The following CNNM4 variants were observed in gnomAD, a reference collection of about 807,000 sequenced individuals.
The protein encoded by CNNM4 is cyclin and CBS domain divalent metal cation transport mediator 4.
In CNNM4, 32 loss-of-function variants were observed where a neutral mutation model predicts 53.7. The observed-to-expected ratio is 0.60, with a 90% confidence interval of 0.45 to 0.80. CNNM4 has a LOEUF of 0.80. Ranked by LOEUF, CNNM4 falls within the 30% of genes least tolerant of loss-of-function variation. The pLI, the probability that CNNM4 is intolerant of heterozygous loss-of-function variation, is 0.00. For missense variants in CNNM4, 784 were observed against 1,022.0 expected (o/e 0.77, Z 3.17); for synonymous variants, 410 against 440.0 (o/e 0.93, Z 0.85).
intron 1 of CNNM4, among the ~76,000 whole-genome samples, chr2:96,770,548 G>T (rs970665978): frequency 9.2e-5 from 14 of 152,246 alleles, no homozygotes; most frequent in African/African-American, 3.4e-4. Context: ...TGAGAGGTGA[G>T]CCTCACCGTC....
At position 96,797,685 on chromosome 2, in the gene CNNM4, C is replaced by T. The variant is rs758103011; in HGVS notation, c.1681+38C>T. ...GGACCTTCCGGTCTTGGTGGAAATA[C>T]GGTCACGGGGGAGAAGTCCTGGGTT... On this transcript the variant is annotated intron_variant, in intron 3 of 6. Coordinates refer to ENST00000377075, the MANE Select transcript of CNNM4 (RefSeq NM_020184.4). This position sits in a 1 kb window ranked among gnomAD's most constrained non-coding sequence, Gnocchi z 6.0. The T allele has an allele frequency of 6.5e-5, 104 of 1,611,044 alleles. 1 individual carries two copies. In the South Asian group the frequency reaches 9.1e-4, roughly 14 times the overall value.
chr2:96,798,638 A>T (rs1326691359), intron 3 of CNNM4, among the ~76,000 whole-genome samples: 2 of 151,998 alleles, frequency 1.3e-5, no homozygotes, highest in African/African-American at 2.4e-5. Flanking sequence ...TTCCTGTGGG[A>T]TATTGATGCT....
intron 1 of CNNM4, among the ~76,000 whole-genome samples, chr2:96,771,082 G>A (rs2078864826): frequency 6.6e-6 from 1 of 152,112 alleles, no homozygotes; most frequent in South Asian, 2.1e-4. Context: ...TGTCTGGCCG[G>A]TAGCTGCCAT....
chr2:96,775,526 A>G (rs2078916589), intron 1 of CNNM4, among the ~76,000 whole-genome samples: 1 of 152,186 alleles, frequency 6.6e-6, no homozygotes, highest in African/African-American at 2.4e-5. Flanking sequence ...TCTCTTGCTG[A>G]ACGTATGAAG....
intron 3 of CNNM4, 54 bp from the exon 4 acceptor site, chr2:96,799,003 C>T: frequency 6.3e-7 from 1 of 1,584,728 alleles, no homozygotes; most frequent in South Asian, 1.1e-5. Flanking sequence ...AGTGATCGAG[C>T]TTTAGGGCCA....
chr2:96,792,489 A>G (rs2153348424), intron 1 of CNNM4, among the ~76,000 whole-genome samples: 1 of 151,712 alleles, frequency 6.6e-6, no homozygotes, highest in East Asian at 1.9e-4. Flanking sequence ...CTCCTGCTAA[A>G]TGGATGTAGA....
At chr2:96,799,285 A>C in intron 4 of CNNM4, 59 bp downstream of exon 4, 2 of 1,597,338 alleles carry the variant, frequency 1.3e-6, no homozygotes, top group Non-Finnish European at 1.7e-6. Context: ...AGCAACCCCC[A>C]GGCCCTCTCT....
At chr2:96,803,122 T>C (rs1412005269) in intron 5 of CNNM4, among the ~76,000 whole-genome samples, 1 of 152,134 alleles carries the variant, frequency 6.6e-6, no homozygotes, top group Admixed American at 6.6e-5. Flanking sequence ...GATGAAAAGG[T>C]GACTTAGAAG....
intron 1 of CNNM4, among the ~76,000 whole-genome samples, chr2:96,795,198 A>C (rs1558992145): frequency 6.6e-6 from 1 of 152,240 alleles, no homozygotes; most frequent in Non-Finnish European, 1.5e-5. Flanking sequence ...AGGCCCTTCC[A>C]GGCACTGTCT....
At chr2:96,767,183 C>G (rs1433124716) in intron 1 of CNNM4, among the ~76,000 whole-genome samples, 1 of 152,184 alleles carries the variant, frequency 6.6e-6, no homozygotes, top group South Asian at 2.1e-4. Flanking sequence ...CCTTGCAGCA[C>G]TTCTGTCTCC....
chr2:96,782,448 A>G (rs1351135118), intron 1 of CNNM4, among the ~76,000 whole-genome samples: 1 of 151,934 alleles, frequency 6.6e-6, no homozygotes, highest in Non-Finnish European at 1.5e-5. Context: ...ATTTATGCTC[A>G]TGAGACAGAT....
At chr2:96,806,533 A>ACGCACG (rs745997640) in intron 5 of CNNM4, among the ~76,000 whole-genome samples, 1 of 138,514 alleles carries the variant, frequency 7.2e-6, no homozygotes, top group Non-Finnish European at 1.6e-5. Flanking sequence ...ACACACACAC[A>ACGCACG]CACGCGCGCG....
intron 1 of CNNM4, among the ~76,000 whole-genome samples, chr2:96,775,150 C>T (rs1331785370): frequency 6.6e-6 from 1 of 151,760 alleles, no homozygotes; most frequent in African/African-American, 2.4e-5. Context: ...TAGCTTTTCA[C>T]AAAACAAACA....
chr2:96,771,342 C>A (rs2078867665), intron 1 of CNNM4, among the ~76,000 whole-genome samples: 1 of 150,586 alleles, frequency 6.6e-6, no homozygotes, highest in Non-Finnish European at 1.5e-5. Context: ...TTTTCCGTAG[C>A]CATAAAAGAG....
intron 5 of CNNM4, 87 bp downstream of exon 5, chr2:96,799,735 C>G (rs557367930): frequency 8.8e-7 from 1 of 1,135,392 alleles, no homozygotes; most frequent in South Asian, 1.3e-5. Flanking sequence ...AGCATGGGCC[C>G]GAGAGCTCAT....
At position 96,809,396 on chromosome 2, in the gene CNNM4, G is replaced by A; in HGVS notation, c.2207G>A (p.Cys736Tyr). The A allele has an allele frequency of 1.9e-6, 3 of 1,613,242 alleles. No homozygotes were observed. The highest frequency in any genetic ancestry group is 1.1e-5 in the South Asian group (1 of 91,078). ...ENSPQFPIDG[C>Y]TTHMENLAEK... ...AGCCCTCAGTTTCCCATAGACGGGTGCACCACCCACATGGAGAACTTGGCC... is the reference window on the plus strand; with the variant it reads ...AGCCCTCAGTTTCCCATAGACGGGTACACCACCCACATGGAGAACTTGGCC... The change falls in exon 7 of 7, where the codon TGC becomes TAC. Residue 736 changes from cysteine to tyrosine, a missense_variant. Transcript: ENST00000377075.
intron 1 of CNNM4, among the ~76,000 whole-genome samples, chr2:96,796,352 C>T (rs1343521480): frequency 6.6e-6 from 1 of 151,874 alleles, no homozygotes; most frequent in African/African-American, 2.4e-5. Context: ...ACCGTGTTGG[C>T]CAGGCTGGTC....
chr2:96,804,577 A>G (rs2079186006), intron 5 of CNNM4, among the ~76,000 whole-genome samples: 1 of 151,594 alleles, frequency 6.6e-6, no homozygotes, highest in African/African-American at 2.4e-5. Context: ...AATTTTTTGT[A>G]TCTTTAGTAG....
At chr2:96,766,537 C>T (rs1371081584) in intron 1 of CNNM4, among the ~76,000 whole-genome samples, 1 of 152,144 alleles carries the variant, frequency 6.6e-6, no homozygotes, top group East Asian at 1.9e-4. Context: ...AAAACTGCAC[C>T]CACCATCCCA....
Sources: allele counts gnomAD v4.1 joint callset (sites outside exome capture counted in the v4.1 genomes callset), GRCh38; gene constraint gnomAD v4.1.1; non-coding constraint Gnocchi (gnomAD v3.1); transcripts MANE v1.5; gene names NCBI Gene and HGNC (gene_info 2026-07-23, HGNC 2026-07-21).